The following NR3C1 variants were observed in gnomAD, a reference collection of about 807,000 sequenced individuals.
The protein encoded by NR3C1 is nuclear receptor subfamily 3 group C member 1, also known as glucocorticoid receptor.
NR3C1 carries 14 observed loss-of-function variants against 74.0 expected under a neutral mutation model. That is an observed-to-expected ratio of 0.19 (90% confidence interval 0.12 to 0.30). The LOEUF (loss-of-function observed/expected upper bound fraction) is 0.30, where lower values mean the gene tolerates loss of function less well. Ranked by LOEUF, NR3C1 falls within the 10% of genes least tolerant of loss-of-function variation. The pLI is 1.00. For missense variants in NR3C1, 695 were observed against 909.8 expected, an observed-to-expected ratio of 0.76 and a Z score of 3.04; for synonymous variants, 308 against 332.5, an observed-to-expected ratio of 0.93 and a Z score of 0.80.
At chr5:143,307,431 A>G (rs533013175) in intron 4 of NR3C1, among the ~76,000 whole-genome samples, 34 of 152,304 alleles carry the variant, frequency 2.2e-4, no homozygotes, top group African/African-American at 7.7e-4. Context: ...TGTAGTTGAT[A>G]TATCTTTTTT....
intron 2 of NR3C1, among the ~76,000 whole-genome samples, chr5:143,396,154 C>T (rs1316340142): frequency 6.6e-6 from 1 of 151,784 alleles, no homozygotes; most frequent in Non-Finnish European, 1.5e-5. Context: ...AATCTGACCA[C>T]ATGCTAGTCA....
chr5:143,323,227 T>A (rs1823755770), intron 2 of NR3C1, among the ~76,000 whole-genome samples: 1 of 152,148 alleles, frequency 6.6e-6, no homozygotes, highest in Non-Finnish European at 1.5e-5. Flanking sequence ...ACACTGCTGA[T>A]AAAGATATAC....
chr5:143,348,675 G>A (rs935770545), intron 2 of NR3C1, among the ~76,000 whole-genome samples: 1 of 152,112 alleles, frequency 6.6e-6, no homozygotes, highest in African/African-American at 2.4e-5. Flanking sequence ...TCCCATGTAC[G>A]AGAAGACTAT....
chr5:143,310,329 T>C, intron 3 of NR3C1, 116 bp from the exon 4 acceptor site: 3 of 761,174 alleles, frequency 3.9e-6, no homozygotes, highest in Non-Finnish European at 6.8e-6. Flanking sequence ...AGGTATTGCC[T>C]TGAGGGAATG....
intron 4 of NR3C1, among the ~76,000 whole-genome samples, chr5:143,303,405 A>G (rs1245281937): frequency 6.6e-6 from 1 of 152,120 alleles, no homozygotes; most frequent in Non-Finnish European, 1.5e-5. Context: ...GAACAGACCA[A>G]TAACGAGTTC....
intron 3 of NR3C1, among the ~76,000 whole-genome samples, chr5:143,310,797 A>T (rs910824180): frequency 2.0e-5 from 3 of 152,112 alleles, no homozygotes; most frequent in Admixed American, 2.0e-4. Flanking sequence ...AGCTGGGATT[A>T]CAGGTGCACG....
chr5:143,347,536 G>C (rs1829523956), intron 2 of NR3C1, among the ~76,000 whole-genome samples: 1 of 152,204 alleles, frequency 6.6e-6, no homozygotes, highest in South Asian at 2.1e-4. Context: ...AAGGGATAGA[G>C]AGTGACTTTC....
chr5:143,347,357 A>C (rs1324218256), intron 2 of NR3C1, among the ~76,000 whole-genome samples: 2 of 151,978 alleles, frequency 1.3e-5, no homozygotes, highest in Non-Finnish European at 2.9e-5. Context: ...CACACGAATA[A>C]AAAGAAAAAC....
chr5:143,381,135 T>G (rs541044791), intron 2 of NR3C1, among the ~76,000 whole-genome samples: 4 of 152,292 alleles, frequency 2.6e-5, no homozygotes, highest in African/African-American at 9.6e-5. Flanking sequence ...GTGGCATTTC[T>G]AGATGCCAAC....
intron 1 of NR3C1, chr5:143,409,272 A>G (rs561848375): frequency 6.6e-6 from 1 of 152,338 alleles, no homozygotes; most frequent in Non-Finnish European, 1.5e-5. Context: ...CACCACATTC[A>G]TTCCCATGTC....
At chr5:143,379,662 A>G (rs954262763) in intron 2 of NR3C1, among the ~76,000 whole-genome samples, 1 of 152,198 alleles carries the variant, frequency 6.6e-6, no homozygotes, top group Non-Finnish European at 1.5e-5. Flanking sequence ...ATGTGGTAGA[A>G]ATATAGTTGT....
At chr5:143,324,520 G>C (rs1824127602) in intron 2 of NR3C1, among the ~76,000 whole-genome samples, 1 of 152,122 alleles carries the variant, frequency 6.6e-6, no homozygotes, top group South Asian at 2.1e-4. Flanking sequence ...TTTTCCTCCT[G>C]GGTCTCTGGG....
chr5:143,398,273 G>A (rs1411986126), intron 2 of NR3C1, among the ~76,000 whole-genome samples: 1 of 150,446 alleles, frequency 6.6e-6, no homozygotes, highest in African/African-American at 2.4e-5. Context: ...TTGAAGTAGT[G>A]TTCTTCTAAA....
chr5:143,387,541 T>C (rs1837465971), intron 2 of NR3C1, among the ~76,000 whole-genome samples: 1 of 152,220 alleles, frequency 6.6e-6, no homozygotes, highest in Non-Finnish European at 1.5e-5. Flanking sequence ...GGCTGCTCTC[T>C]TTGGTTGCCT....
intron 2 of NR3C1, chr5:143,389,881 C>T: frequency 1.1e-6 from 1 of 916,804 alleles, no homozygotes; most frequent in Non-Finnish European, 1.3e-6. Context: ...ACATTACCTG[C>T]CATGCTAGGA....
chr5:143,368,254 G>T (rs888087056), intron 2 of NR3C1, among the ~76,000 whole-genome samples: 2 of 152,030 alleles, frequency 1.3e-5, no homozygotes, highest in African/African-American at 4.8e-5. Flanking sequence ...TGGATCAAAG[G>T]CCTAAATGTA....
At chr5:143,284,771 A>G (rs1258137526) in intron 7 of NR3C1, among the ~76,000 whole-genome samples, 1 of 152,124 alleles carries the variant, frequency 6.6e-6, no homozygotes, top group Non-Finnish European at 1.5e-5. Context: ...TATGATCCCT[A>G]GGAAAAGAGA....
At position 143,306,874 on chromosome 5, in the gene NR3C1, A is replaced by ATT. The variant is rs70991802; in HGVS notation, c.1468+3221_1468+3222dup. The stretch of plus-strand genomic sequence containing the variant: ...ACTGCAGCCTAAATTGTATGCTTAA[A>ATT]TTTTTTTTTTTTTTTTTTTTTTTTT... On this transcript the variant is annotated intron_variant, in intron 4 of 8. Coordinates refer to ENST00000394464, the MANE Select transcript of NR3C1 (RefSeq NM_000176.3). Among the ~76,000 whole-genome samples the ATT allele has an allele frequency of 5.5e-4, 46 of 82,906 alleles. 2 individuals are homozygous for ATT. Among genetic ancestry groups the ATT allele is most frequent in the African/African-American group, 1.9e-3 (38 of 19,654 alleles). The allele number at this position is 82,906 out of a possible 152,430, so 54.4% of individuals were successfully genotyped here.
chr5:143,362,813 T>A (rs1832526918), intron 2 of NR3C1, among the ~76,000 whole-genome samples: 1 of 152,186 alleles, frequency 6.6e-6, no homozygotes, highest in South Asian at 2.1e-4. Flanking sequence ...TTTATGCTAA[T>A]CTCTTAATTT....
Sources: allele counts gnomAD v4.1 joint callset (sites outside exome capture counted in the v4.1 genomes callset), GRCh38; gene constraint gnomAD v4.1.1; transcripts MANE v1.5; gene names NCBI Gene and HGNC (gene_info 2026-07-23, HGNC 2026-07-21).